CHST11: variants seen among roughly 807,000 people sequenced by gnomAD.
The protein encoded by CHST11 is C4S-1.
A neutral mutation model predicts 30.4 loss-of-function variants in CHST11; 9 were observed. The observed-to-expected ratio is 0.30, with a 90% CI of 0.18 to 0.52. The LOEUF (loss-of-function observed/expected upper bound fraction) is 0.52. Ranked by LOEUF, CHST11 falls within the 20% of genes least tolerant of loss-of-function variation. The pLI is 0.97. For synonymous variants in CHST11, 152 were observed against 187.8 expected, an observed-to-expected ratio of 0.81 and a Z score of 1.56; for missense variants, 348 against 460.6, an observed-to-expected ratio of 0.76 and a Z score of 2.24.
At position 104,748,344 on chromosome 12, in the gene CHST11, AG is replaced by A. The variant is rs1358959662; in HGVS notation, c.205-8601del. On this transcript the variant is annotated intron_variant, in intron 2 of 2. Transcript: ENST00000303694. ...CGGCATCAGCATCTCCTGGTGTTATAGGGGTCGAATTGTGTCCCTCCCAAAT... is the reference window on the plus strand; with the variant it reads ...CGGCATCAGCATCTCCTGGTGTTATAGGGTCGAATTGTGTCCCTCCCAAAT... 7.2e-5 allele frequency among the ~76,000 whole-genome samples: 11 copies of A among 152,288 alleles called. No homozygotes were observed. In the East Asian group the frequency reaches 2.1e-3, roughly 29 times the overall value.
intron 2 of CHST11, among the ~76,000 whole-genome samples, chr12:104,648,001 T>A (rs1252578924): frequency 6.6e-6 from 1 of 152,206 alleles, no homozygotes; most frequent in Non-Finnish European, 1.5e-5. Context: ...ATGCCTTTTC[T>A]ATGACTTGGT....
rs543835732 is a variant in CHST11, at chr12:104,682,518, A to G, written c.205-74431A>G. Reference sequence around the variant, plus strand: ...CAAACCCTCCCTGGCCATCGGACACAAGTGGATCATTGATATCAGTTGACT... The same window carrying G: ...CAAACCCTCCCTGGCCATCGGACACGAGTGGATCATTGATATCAGTTGACT... On this transcript the variant is annotated intron_variant, in intron 2 of 2. Coordinates refer to ENST00000303694, the MANE Select transcript of CHST11 (RefSeq NM_018413.6). 3.3e-5 allele frequency among the ~76,000 whole-genome samples: 5 copies of G among 152,340 alleles called. No homozygotes were observed. The East Asian group carries it at 9.6e-4, about 29-fold the overall frequency.
intron 2 of CHST11, among the ~76,000 whole-genome samples, chr12:104,603,392 G>A (rs2038975223): frequency 6.6e-6 from 1 of 152,182 alleles, no homozygotes; most frequent in Non-Finnish European, 1.5e-5. Flanking sequence ...GGTAACATAT[G>A]GTGTCATGGG....
At chr12:104,462,864 A>C (rs749384549) in intron 1 of CHST11, among the ~76,000 whole-genome samples, 1 of 152,164 alleles carries the variant, frequency 6.6e-6, no homozygotes, top group Non-Finnish European at 1.5e-5. Flanking sequence ...TCGATGGAGC[A>C]TTTTCATTGC....
intron 2 of CHST11, among the ~76,000 whole-genome samples, chr12:104,622,942 C>T (rs920237150): frequency 6.6e-6 from 1 of 152,220 alleles, no homozygotes; most frequent in African/African-American, 2.4e-5. Context: ...AAAGCACCCC[C>T]AAAGCCATCT....
intron 2 of CHST11, among the ~76,000 whole-genome samples, chr12:104,744,811 C>A (rs1021950288): frequency 6.6e-6 from 1 of 152,062 alleles, no homozygotes; most frequent in African/African-American, 2.4e-5. Context: ...CAGTTTTAAT[C>A]TTCTGCATAG....
At chr12:104,576,853 T>G (rs1006298654) in intron 1 of CHST11, among the ~76,000 whole-genome samples, 14 of 152,090 alleles carry the variant, frequency 9.2e-5, no homozygotes, top group African/African-American at 3.4e-4. Flanking sequence ...TGAGGGACAT[T>G]CACGTTCCTC....
chr12:104,504,105 C>A (rs901383939), intron 1 of CHST11, among the ~76,000 whole-genome samples: 3 of 152,208 alleles, frequency 2.0e-5, no homozygotes, highest in Non-Finnish European at 2.9e-5. Flanking sequence ...TTCTCACTCT[C>A]TAGGTCTTAC....
Position 104,573,029 on chromosome 12 carries a change from A to C in CHST11, c.119-28877A>C, listed in dbSNP as rs372794958. ...ACTTCAGCAAAGTCTCAGGATACAAAATCAATGTGCAAAAATCACAAGCAT... is the reference window on the plus strand; with the variant it reads ...ACTTCAGCAAAGTCTCAGGATACAACATCAATGTGCAAAAATCACAAGCAT... On this transcript the variant is annotated intron_variant, in intron 1 of 2. Coordinates refer to ENST00000303694, the MANE Select transcript of CHST11 (RefSeq NM_018413.6). Among the ~76,000 whole-genome samples the C allele has an allele frequency of 3.6e-3, 545 of 152,336 alleles. 3 individuals are homozygous for C. The highest frequency in any genetic ancestry group is 0.018 in the East Asian group (94 of 5,188).
chr12:104,546,809 A>T (rs1319132061), intron 1 of CHST11, among the ~76,000 whole-genome samples: 3 of 152,250 alleles, frequency 2.0e-5, no homozygotes, highest in Non-Finnish European at 4.4e-5. Flanking sequence ...TGGGGATAGG[A>T]CCAGCCACGT....
At chr12:104,563,683 C>A (rs899169768) in intron 1 of CHST11, among the ~76,000 whole-genome samples, 11 of 152,006 alleles carry the variant, frequency 7.2e-5, no homozygotes, top group Admixed American at 7.2e-4. Context: ...AGGAAATAAA[C>A]CCATCCTTCT....
chr12:104,477,018 C>G (rs2037569638), intron 1 of CHST11, among the ~76,000 whole-genome samples: 1 of 152,132 alleles, frequency 6.6e-6, no homozygotes, highest in Admixed American at 6.5e-5. Flanking sequence ...GAACTTTCTT[C>G]AGATGTCACA....
At chr12:104,589,846 C>T (rs1026198031) in intron 1 of CHST11, among the ~76,000 whole-genome samples, 2 of 151,792 alleles carry the variant, frequency 1.3e-5, no homozygotes, top group South Asian at 2.1e-4. Context: ...CCCGTCTCTA[C>T]GAAAATACAA....
intron 2 of CHST11, among the ~76,000 whole-genome samples, chr12:104,615,074 GATTGGGCCTGCCGCAGGCCATAGCAGAC>G (rs1229430839): frequency 3.9e-5 from 6 of 152,226 alleles, no homozygotes; most frequent in African/African-American, 1.4e-4. Context: ...ACACTTGACA[GATTGGGCCTGCCGCAGGCCATAGCAGAC>G]ATTGGGCAGC....
At chr12:104,538,435 T>G (rs2038258225) in intron 1 of CHST11, among the ~76,000 whole-genome samples, 1 of 152,160 alleles carries the variant, frequency 6.6e-6, no homozygotes, top group Non-Finnish European at 1.5e-5. Flanking sequence ...GGCTAAGTAG[T>G]GTTCGTTGAG....
intron 2 of CHST11, among the ~76,000 whole-genome samples, chr12:104,649,620 A>G (rs541399415): frequency 6.6e-6 from 1 of 152,340 alleles, no homozygotes; most frequent in South Asian, 2.1e-4. Context: ...TGAAGCTTTC[A>G]ATGCCTTCTT....
At chr12:104,667,520 C>T (rs568231410) in intron 2 of CHST11, among the ~76,000 whole-genome samples, 5 of 152,158 alleles carry the variant, frequency 3.3e-5, no homozygotes, top group African/African-American at 9.7e-5. Flanking sequence ...GAATTTTGGC[C>T]GTCATTTGGG....
At chr12:104,551,651 G>C (rs527597849) in intron 1 of CHST11, among the ~76,000 whole-genome samples, 1 of 152,114 alleles carries the variant, frequency 6.6e-6, no homozygotes, top group Non-Finnish European at 1.5e-5. Flanking sequence ...CAGATTCCTC[G>C]AAGTGATTTA....
intron 2 of CHST11, among the ~76,000 whole-genome samples, chr12:104,622,734 A>G (rs1185553433): frequency 6.6e-6 from 1 of 152,172 alleles, no homozygotes; most frequent in Non-Finnish European, 1.5e-5. Context: ...TCATCTCCCA[A>G]TGTAAGGATA....
Sources: gnomAD v4.1 joint callset for allele counts (sites outside exome capture counted in the v4.1 genomes callset) on GRCh38, gnomAD v4.1.1 for gene constraint, MANE v1.5 for transcripts, NCBI Gene and HGNC (gene_info 2026-07-23, HGNC 2026-07-21) for gene names.